TMEM178B: variants seen among roughly 807,000 people sequenced by gnomAD.
TMEM178B encodes transmembrane protein 178B.
A neutral mutation model predicts 31.0 loss-of-function variants in TMEM178B; 5 were observed. The ratio of observed to expected loss-of-function variants is 0.16; its 90% CI spans 0.08 to 0.34. The LOEUF (loss-of-function observed/expected upper bound fraction) is 0.34, where lower values mean the gene tolerates loss of function less well. Among genes scored for constraint, TMEM178B ranks in the 10% least tolerant of loss-of-function variants. The probability of loss-of-function intolerance (pLI) is 1.00; values close to 1 mark genes in which losing one functional copy is unlikely to be tolerated. For synonymous variants in TMEM178B, 164 were observed against 164.0 expected, an observed-to-expected ratio of 1.00 and a Z score of 0.00; for missense variants, 275 against 400.3, an observed-to-expected ratio of 0.69 and a Z score of 2.67.
At chr7:141,173,147 G>A (rs904527828) in intron 1 of TMEM178B, 2 of 152,214 alleles carry the variant, frequency 1.3e-5, no homozygotes, top group Non-Finnish European at 2.9e-5. Flanking sequence ...ATGATGGATC[G>A]TGTAACGAAT....
chr7:141,320,335 C>T (rs535233174), intron 2 of TMEM178B, among the ~76,000 whole-genome samples: 17 of 152,272 alleles, frequency 1.1e-4, no homozygotes, highest in African/African-American at 3.9e-4. Context: ...CTCAGCACAA[C>T]GTATGTGTTC....
At chr7:141,099,852 C>CA (rs1286839012) in intron 1 of TMEM178B, among the ~76,000 whole-genome samples, 3 of 137,154 alleles carry the variant, frequency 2.2e-5, no homozygotes, top group African/African-American at 8.3e-5. Context: ...TTTTTTGAGA[C>CA]AGAGTCTGGC....
intron 3 of TMEM178B, 29 bp from the exon 4 acceptor site, chr7:141,470,507 C>T (rs926488777): frequency 1.7e-5 from 25 of 1,459,190 alleles, no homozygotes; most frequent in Non-Finnish European, 2.2e-5. Context: ...TCCATTTCCC[C>T]ATCCTGTGTC....
chr7:141,429,252 G>A (rs760273618), intron 2 of TMEM178B, among the ~76,000 whole-genome samples: 3 of 151,574 alleles, frequency 2.0e-5, no homozygotes, highest in African/African-American at 4.8e-5. Context: ...TAGCTAAGAC[G>A]TGGAATCATA....
chr7:141,389,012 G>T (rs1800485183), intron 2 of TMEM178B, among the ~76,000 whole-genome samples: 2 of 152,058 alleles, frequency 1.3e-5, no homozygotes, highest in Admixed American at 1.3e-4. Flanking sequence ...CTTTTCCTAG[G>T]TTCCAAAGTC....
intron 2 of TMEM178B, among the ~76,000 whole-genome samples, chr7:141,321,590 T>C (rs1006746397): frequency 6.6e-6 from 1 of 152,192 alleles, no homozygotes; most frequent in Non-Finnish European, 1.5e-5. Flanking sequence ...AGTGTGGCTT[T>C]AAGGGCTCAA....
intron 2 of TMEM178B, among the ~76,000 whole-genome samples, chr7:141,317,784 A>G (rs765132217): frequency 9.9e-5 from 15 of 152,228 alleles, no homozygotes; most frequent in Non-Finnish European, 2.1e-4. Flanking sequence ...ATCTAGGGAT[A>G]AGACTCAAGT....
intron 1 of TMEM178B, among the ~76,000 whole-genome samples, chr7:141,172,818 C>A (rs570439071): frequency 9.2e-5 from 14 of 152,282 alleles, no homozygotes; most frequent in African/African-American, 3.4e-4. Flanking sequence ...CGTCATTCTC[C>A]ATTAATTCTT....
At chr7:141,135,462 A>G (rs1457173680) in intron 1 of TMEM178B, among the ~76,000 whole-genome samples, 2 of 152,200 alleles carry the variant, frequency 1.3e-5, no homozygotes, top group Non-Finnish European at 2.9e-5. Context: ...CGTTCTCCAG[A>G]ATAGGCTGTA....
chr7:141,250,019 C>G (rs1330788923), intron 2 of TMEM178B, among the ~76,000 whole-genome samples: 1 of 152,062 alleles, frequency 6.6e-6, no homozygotes, highest in African/African-American at 2.4e-5. Flanking sequence ...AATAAAACTC[C>G]CAAAATGAAA....
At chr7:141,127,831 A>G (rs1379887071) in intron 1 of TMEM178B, among the ~76,000 whole-genome samples, 1 of 152,016 alleles carries the variant, frequency 6.6e-6, no homozygotes, top group Non-Finnish European at 1.5e-5. Context: ...GGGGTTTTCT[A>G]CTTTTCCTTT....
chr7:141,139,065 A>G (rs572414143), intron 1 of TMEM178B, among the ~76,000 whole-genome samples: 1 of 152,272 alleles, frequency 6.6e-6, no homozygotes, highest in South Asian at 2.1e-4. Flanking sequence ...ACATGTTTTC[A>G]GGAGGGTTTT....
At chr7:141,124,469 A>T (rs1795457870) in intron 1 of TMEM178B, among the ~76,000 whole-genome samples, 1 of 152,114 alleles carries the variant, frequency 6.6e-6, no homozygotes. Context: ...AGAAGTGATG[A>T]TTTTTCTTGT....
chr7:141,329,463 A>C (rs1313812687), intron 2 of TMEM178B, among the ~76,000 whole-genome samples: 4 of 152,166 alleles, frequency 2.6e-5, no homozygotes, highest in Non-Finnish European at 5.9e-5. Context: ...GTATCAAATC[A>C]TCATCCTTTT....
At chr7:141,284,944 A>C (rs1478779932) in intron 2 of TMEM178B, among the ~76,000 whole-genome samples, 1 of 152,110 alleles carries the variant, frequency 6.6e-6, no homozygotes, top group Non-Finnish European at 1.5e-5. Flanking sequence ...AAGACCAATC[A>C]AGAAGAATGG....
rs1236568893 is a variant in TMEM178B, at chr7:141,215,793, T to C, written c.496+3089T>C. Among the ~76,000 whole-genome samples the C allele has an allele frequency of 5.3e-4, 42 of 79,014 alleles. No individual in the cohort carries two copies. The East Asian group carries it at 0.012, about 23-fold the overall frequency. 51.8% of individuals were successfully genotyped at this position (79,014 alleles called of 152,430 possible). ...ATATACTTTCCTTTCTTTCTTTCTT[T>C]CTTTCTTTCTTTCTTTCTTTCTTTC... On this transcript the variant is annotated intron_variant, in intron 2 of 3. Transcript: ENST00000565468.
intron 1 of TMEM178B, among the ~76,000 whole-genome samples, chr7:141,208,502 T>A (rs1416611221): frequency 6.6e-6 from 1 of 152,240 alleles, no homozygotes; most frequent in East Asian, 1.9e-4. Flanking sequence ...TGCAGACACA[T>A]GGATAAATAT....
At chr7:141,251,733 C>T (rs1310198413) in intron 2 of TMEM178B, among the ~76,000 whole-genome samples, 1 of 152,152 alleles carries the variant, frequency 6.6e-6, no homozygotes, top group Non-Finnish European at 1.5e-5. Context: ...GTGCCCCAAC[C>T]CACGGTCCTC....
At chr7:141,319,575 C>T (rs561431839) in intron 2 of TMEM178B, among the ~76,000 whole-genome samples, 87 of 151,948 alleles carry the variant, frequency 5.7e-4, no homozygotes, top group South Asian at 4.8e-3. Flanking sequence ...TTTTTTGAGA[C>T]GGAGTCTCAC....
Sources: allele counts gnomAD v4.1 joint callset (sites outside exome capture counted in the v4.1 genomes callset), GRCh38; gene constraint gnomAD v4.1.1; transcripts MANE v1.5; gene names NCBI Gene and HGNC (gene_info 2026-07-23, HGNC 2026-07-21).